SYT14: variants seen among roughly 807,000 people sequenced by gnomAD.
The protein encoded by SYT14 is synaptotagmin 14.
In SYT14, 32 loss-of-function variants were observed where a neutral mutation model predicts 74.2. The ratio of observed to expected loss-of-function variants is 0.43; its 90% CI spans 0.33 to 0.58. The LOEUF (loss-of-function observed/expected upper bound fraction) is 0.58. Among genes scored for constraint, SYT14 ranks in the 20% least tolerant of loss-of-function variants. The pLI is 0.05. For synonymous variants in SYT14, 298 were observed against 337.7 expected, an observed-to-expected ratio of 0.88 and a Z score of 1.29; for missense variants, 791 against 981.8, an observed-to-expected ratio of 0.81 and a Z score of 2.60.
At chr1:210,092,371 A>G (rs918586938) in intron 5 of SYT14, among the ~76,000 whole-genome samples, 1 of 152,214 alleles carries the variant, frequency 6.6e-6, no homozygotes, top group Non-Finnish European at 1.5e-5. Flanking sequence ...ACAAAGGGGC[A>G]TGCCAGTAGA....
chr1:210,035,296 G>T (rs74763157), intron 5 of SYT14, among the ~76,000 whole-genome samples: 4 of 151,686 alleles, frequency 2.6e-5, no homozygotes, highest in East Asian at 1.9e-4. Context: ...TGCATTCCTC[G>T]TAGATTCTGG....
exon 10 of SYT14, chr1:210,165,262 A>G (rs1412813613): frequency 6.6e-6 from 1 of 152,156 alleles, no homozygotes; most frequent in Non-Finnish European, 1.5e-5. Flanking sequence ...ATATTTATCA[A>G]TAATCCCACT....
chr1:210,049,907 C>G (rs556399150), intron 5 of SYT14, among the ~76,000 whole-genome samples: 1 of 152,176 alleles, frequency 6.6e-6, no homozygotes, highest in African/African-American at 2.4e-5. Context: ...CACAAAACCA[C>G]TTTTTCTTCC....
chr1:210,163,010 A>G (rs929913211), exon 10 of SYT14: 9 of 453,500 alleles, frequency 2.0e-5, no homozygotes, highest in African/African-American at 1.6e-4. Flanking sequence ...CAGCAACAGT[A>G]TGAAAAAAGA....
At chr1:210,059,449 T>TAGAG (rs796666013) in intron 5 of SYT14, among the ~76,000 whole-genome samples, 957 of 89,568 alleles carry the variant, frequency 0.011, 10 homozygotes, top group Admixed American at 0.015. Flanking sequence ...TATATATATA[T>TAGAG]ATAGAGAGAG....
intron 2 of SYT14, among the ~76,000 whole-genome samples, chr1:209,999,327 C>CT (rs1305152059): frequency 3.9e-5 from 6 of 152,078 alleles, no homozygotes; most frequent in African/African-American, 1.4e-4. Flanking sequence ...AGTACAGCCA[C>CT]TATGGGAAAC....
chr1:210,073,719 A>G (rs2081437281), intron 5 of SYT14, among the ~76,000 whole-genome samples: 1 of 152,038 alleles, frequency 6.6e-6, no homozygotes, highest in Admixed American at 6.5e-5. Flanking sequence ...GTCTTTCTAA[A>G]ATCATTTGTT....
rs143699131 is a variant in SYT14, at chr1:210,164,836, C to G, written c.*3794C>G. On this transcript the variant is annotated 3_prime_UTR_variant, in exon 10 of 10. Coordinates refer to ENST00000637265, the Ensembl canonical transcript of SYT14. ...TTTTATTTCTAATTTTGTTTCCATTCACTGTCCTCAGTTCCTCTGTGGCCT... is the reference window on the plus strand; with the variant it reads ...TTTTATTTCTAATTTTGTTTCCATTGACTGTCCTCAGTTCCTCTGTGGCCT... 2.6e-5 allele frequency: 4 copies of G among 152,184 alleles called. No individual in the cohort carries two copies. In the East Asian group the frequency reaches 7.7e-4, roughly 29 times the overall value. 9.4% of individuals were successfully genotyped at this position (152,184 alleles called of 1,614,324 possible). A position where few individuals can be genotyped will look rare whatever the true frequency, so the allele number is the denominator to read the frequency against.
At chr1:210,013,858 T>C in intron 3 of SYT14, 61 bp downstream of exon 3, 1 of 1,511,240 alleles carries the variant, frequency 6.6e-7, no homozygotes, top group Non-Finnish European at 9.0e-7. Context: ...TATTTACTTA[T>C]TTTAATATAT....
chr1:210,017,002 C>T lies in SYT14; in HGVS notation c.999C>T (p.Asn333=), dbSNP rs2080198427. ...ATTCAACGAAATACTGTAAAGTGAA[C>T]GAAGACATAAAACCAAAGAAAACTG... Residue 333 remains asparagine, a synonymous_variant, in exon 4 of 10, where the codon AAC becomes AAT. Coordinates refer to ENST00000637265, the Ensembl canonical transcript of SYT14. 6.5e-6 allele frequency: 8 copies of T among 1,231,554 alleles called. No individual in the cohort carries two copies. The South Asian group carries it at 2.1e-4, about 32-fold the overall frequency. The allele number at this position is 1,231,554 out of a possible 1,614,324, so 76.3% of individuals were successfully genotyped here. A position where few individuals can be genotyped will look rare whatever the true frequency, so the allele number is the denominator to read the frequency against.
intron 5 of SYT14, among the ~76,000 whole-genome samples, chr1:210,029,121 T>G (rs2080474222): frequency 1.3e-5 from 2 of 152,196 alleles, no homozygotes; most frequent in East Asian, 1.9e-4. Context: ...TTGCATTGTT[T>G]GTTGGTTGGT....
At chr1:210,083,789 C>T (rs891108079) in intron 5 of SYT14, among the ~76,000 whole-genome samples, 5 of 145,398 alleles carry the variant, frequency 3.4e-5, no homozygotes, top group African/African-American at 4.9e-5. Flanking sequence ...GGCTTAGTCT[C>T]GAACTCCTGG....
In SYT14 at chr1:210,068,983, A is replaced by C. The variant is rs777378459; in HGVS notation, c.1313-25339A>C. On this transcript the variant is annotated intron_variant, in intron 5 of 9. Transcript: ENST00000637265. ...ACACATTTTAATATGCAATATCTTC[A>C]TTTTTATTTGTTTTTATAATTTTTC... Among the ~76,000 whole-genome samples, 84 of 151,524 alleles carry C rather than the reference A, an allele frequency of 5.5e-4. 1 individual carries two copies. Among genetic ancestry groups the C allele is most frequent in the Admixed American group, 9.9e-4 (15 of 15,176 alleles).
chr1:210,015,020 TATTA>T lies in SYT14; in HGVS notation c.-320-660_-320-657del, dbSNP rs1259163722. Among the ~76,000 whole-genome samples, 7 of 151,168 alleles carry T rather than the reference TATTA, an allele frequency of 4.6e-5. No individual in the cohort carries two copies. In the South Asian group the frequency reaches 8.3e-4, roughly 18 times the overall value. ...TTTAAAACAGAAAATTTAAAAATATTATTAATTTATTTTTTTAAAAAAACAAGAC... is the reference window on the plus strand; with the variant it reads ...TTTAAAACAGAAAATTTAAAAATATTATTTATTTTTTTAAAAAAACAAGAC... On this transcript the variant is annotated intron_variant, in intron 3 of 9. Transcript: ENST00000637265.
At chr1:210,163,997 A>G (rs1203083505) in exon 10 of SYT14, 1 of 452,918 alleles carries the variant, frequency 2.2e-6, no homozygotes, top group Non-Finnish European at 4.4e-6. Flanking sequence ...ATGGCAATCG[A>G]CTGGCATTTA....
intron 7 of SYT14, among the ~76,000 whole-genome samples, chr1:210,140,248 C>T (rs1020044320): frequency 3.3e-5 from 5 of 152,038 alleles, no homozygotes; most frequent in African/African-American, 1.2e-4. Flanking sequence ...ATTGACCATT[C>T]GTGTATCTTC....
At chr1:210,028,818 TC>T (rs2080468032) in intron 5 of SYT14, among the ~76,000 whole-genome samples, 1 of 152,172 alleles carries the variant, frequency 6.6e-6, no homozygotes, top group African/African-American at 2.4e-5. Flanking sequence ...CTATGGCAAT[TC>T]TATTTTTAAT....
intron 5 of SYT14, among the ~76,000 whole-genome samples, chr1:210,046,128 T>TGGGA (rs1011658805): frequency 2.6e-4 from 40 of 152,284 alleles, no homozygotes; most frequent in African/African-American, 7.5e-4. Context: ...CCCAGCACCT[T>TGGGA]GGGAGGGTGA....
exon 4 of SYT14, chr1:210,015,940 GTGGTTGA>G: frequency 8.1e-7 from 1 of 1,230,922 alleles, no homozygotes; most frequent in Non-Finnish European, 1.0e-6. Context: ...AAGTTCCAAA[GTGGTTGA>G]TATTTTCAGA....
Sources: gnomAD v4.1 joint callset for allele counts (sites outside exome capture counted in the v4.1 genomes callset) on GRCh38, gnomAD v4.1.1 for gene constraint, MANE v1.5 for transcripts, NCBI Gene and HGNC (gene_info 2026-07-23, HGNC 2026-07-21) for gene names.